WDPCP: variants seen among roughly 807,000 people sequenced by gnomAD.
WDPCP encodes the protein WD repeat-containing and planar cell polarity effector protein fritz homolog.
WDPCP carries 71 observed loss-of-function variants against 93.1 expected under a neutral mutation model. That is an observed-to-expected ratio of 0.76 (90% CI 0.63 to 0.93). The LOEUF (loss-of-function observed/expected upper bound fraction) is 0.93, where lower values mean the gene tolerates loss of function less well. WDPCP is among the 40% of genes least tolerant of loss of function. The probability of loss-of-function intolerance (pLI) is 0.00; values close to 1 mark genes in which losing one functional copy is unlikely to be tolerated. For synonymous variants in WDPCP, 315 were observed against 315.0 expected (o/e 1.00, Z 0.00); for missense variants, 844 against 887.4 (o/e 0.95, Z 0.62).
At chr2:63,788,362 T>G (rs1670499163) in intron 2 of WDPCP, among the ~76,000 whole-genome samples, 1 of 152,218 alleles carries the variant, frequency 6.6e-6, no homozygotes, top group Non-Finnish European at 1.5e-5. Context: ...GATATAACGC[T>G]AAACAGAATT....
chr2:63,777,339 C>G (rs1670319378), intron 2 of WDPCP, among the ~76,000 whole-genome samples: 1 of 152,164 alleles, frequency 6.6e-6, no homozygotes, highest in African/African-American at 2.4e-5. Flanking sequence ...TGTGGAACAG[C>G]TGGAACTCTC....
intron 1 of WDPCP, among the ~76,000 whole-genome samples, chr2:63,498,853 C>T (rs1427292193): frequency 6.6e-6 from 1 of 152,118 alleles, no homozygotes; most frequent in Non-Finnish European, 1.5e-5. Flanking sequence ...GCATGGCATC[C>T]ATAAGACATT....
intron 1 of WDPCP, among the ~76,000 whole-genome samples, chr2:63,579,225 A>T (rs1030748087): frequency 1.3e-5 from 2 of 152,246 alleles, no homozygotes; most frequent in African/African-American, 2.4e-5. Flanking sequence ...GAGGCCAGTA[A>T]ATAAGTGTTA....
chr2:63,682,990 G>GT (rs2103638778), intron 2 of WDPCP, among the ~76,000 whole-genome samples: 1 of 152,226 alleles, frequency 6.6e-6, no homozygotes, highest in East Asian at 1.9e-4. Flanking sequence ...CTTTGCTTGT[G>GT]TTTTTTATGC....
intron 12 of WDPCP, among the ~76,000 whole-genome samples, chr2:63,363,800 T>C (rs1029127055): frequency 1.7e-4 from 26 of 152,306 alleles, no homozygotes; most frequent in African/African-American, 5.1e-4. Context: ...TTGAAAGTGA[T>C]AACTCTGATA....
chr2:63,374,852 T>C (rs1422797491), intron 12 of WDPCP, among the ~76,000 whole-genome samples: 1 of 152,100 alleles, frequency 6.6e-6, no homozygotes, highest in Non-Finnish European at 1.5e-5. Context: ...TATCCATCAA[T>C]TCATATTACT....
chr2:63,178,886 T>C (rs896787203), intron 14 of WDPCP, among the ~76,000 whole-genome samples: 2 of 152,154 alleles, frequency 1.3e-5, no homozygotes, highest in Middle Eastern at 3.2e-3. Flanking sequence ...TCTCACAAGT[T>C]TGGGCACTGA....
intron 17 of WDPCP, among the ~76,000 whole-genome samples, chr2:63,125,184 G>T (rs561277276): frequency 1.3e-5 from 2 of 152,312 alleles, no homozygotes; most frequent in Non-Finnish European, 2.9e-5. Context: ...GTCTCAAACT[G>T]ACTGTAGTCT....
chr2:63,553,161 T>C (rs868306125), intron 1 of WDPCP, among the ~76,000 whole-genome samples: 5 of 152,326 alleles, frequency 3.3e-5, no homozygotes, highest in South Asian at 4.1e-4. Flanking sequence ...GATATAAAAA[T>C]AAGCTTGATT....
chr2:63,142,450 G>A (rs541688209), intron 17 of WDPCP, among the ~76,000 whole-genome samples: 14 of 152,252 alleles, frequency 9.2e-5, no homozygotes, highest in African/African-American at 2.9e-4. Flanking sequence ...GGTTCTGAAG[G>A]TTCCTTTTGG....
intron 12 of WDPCP, among the ~76,000 whole-genome samples, chr2:63,375,353 G>A (rs554877590): frequency 6.6e-6 from 1 of 151,906 alleles, no homozygotes; most frequent in Non-Finnish European, 1.5e-5. Context: ...CCTTCTGTAG[G>A]TAAGTGTCTT....
intron 9 of WDPCP, among the ~76,000 whole-genome samples, chr2:63,418,933 A>G (rs1435394865): frequency 1.3e-5 from 2 of 152,214 alleles, no homozygotes; most frequent in Non-Finnish European, 2.9e-5. Flanking sequence ...AGACTGTTAC[A>G]CAAGAAACGG....
At chr2:63,125,800 G>T (rs1669858834) in intron 17 of WDPCP, among the ~76,000 whole-genome samples, 1 of 152,078 alleles carries the variant, frequency 6.6e-6, no homozygotes, top group Non-Finnish European at 1.5e-5. Context: ...TAGTAGAGAT[G>T]GGGTTTTCCC....
chr2:63,450,770 A>G (rs1490651158), intron 6 of WDPCP, among the ~76,000 whole-genome samples: 2 of 152,194 alleles, frequency 1.3e-5, no homozygotes, highest in African/African-American at 4.8e-5. Flanking sequence ...TAGAGAGACT[A>G]TACTACTGAA....
At chr2:63,211,376 C>G (rs1676784188) in intron 14 of WDPCP, among the ~76,000 whole-genome samples, 1 of 152,214 alleles carries the variant, frequency 6.6e-6, no homozygotes, top group Non-Finnish European at 1.5e-5. Context: ...CCAGCAAACT[C>G]CGACAGACCT....
At chr2:63,523,865 C>T (rs536630995) in intron 1 of WDPCP, among the ~76,000 whole-genome samples, 40 of 152,140 alleles carry the variant, frequency 2.6e-4, no homozygotes, top group Admixed American at 1.9e-3. Flanking sequence ...GAGCCAAGAT[C>T]GCACAATTGC....
At chr2:63,313,456 G>T in intron 12 of WDPCP, 145 bp from the exon 13 acceptor site, 1 of 817,500 alleles carries the variant, frequency 1.2e-6, no homozygotes, top group Non-Finnish European at 2.0e-6. Context: ...TGGCCTACTA[G>T]GATCTTCCAT....
At chr2:63,529,585 A>G (rs1266114497) in intron 1 of WDPCP, among the ~76,000 whole-genome samples, 1 of 152,186 alleles carries the variant, frequency 6.6e-6, no homozygotes, top group Non-Finnish European at 1.5e-5. Context: ...ATGGTGGACA[A>G]GCTTTTTGAT....
chr2:63,244,574 A>G (rs985805756), intron 14 of WDPCP, among the ~76,000 whole-genome samples: 20 of 152,200 alleles, frequency 1.3e-4, no homozygotes, highest in African/African-American at 4.8e-4. Flanking sequence ...ATCCTTACAG[A>G]TTACGATGAA....
Sources: gnomAD v4.1 joint callset for allele counts (sites outside exome capture counted in the v4.1 genomes callset) on GRCh38, gnomAD v4.1.1 for gene constraint, MANE v1.5 for transcripts, NCBI Gene and HGNC (gene_info 2026-07-23, HGNC 2026-07-21) for gene names.